The following PRKN variants were observed in gnomAD, a reference collection of about 807,000 sequenced individuals.
The protein encoded by PRKN is E3 ubiquitin-protein ligase parkin.
In PRKN, 56 loss-of-function variants were observed where a neutral mutation model predicts 59.5. That is an observed-to-expected ratio of 0.94 (90% CI 0.76 to 1.18). The LOEUF is 1.18. PRKN is among the 50% of genes most tolerant of loss of function. The probability of loss-of-function intolerance (pLI) is 0.00; values close to 1 mark genes in which losing one functional copy is unlikely to be tolerated. For synonymous variants in PRKN, 250 were observed against 222.1 expected, an observed-to-expected ratio of 1.13 and a Z score of -1.12; for missense variants, 657 against 596.4, an observed-to-expected ratio of 1.10 and a Z score of -1.06.
intron 1 of PRKN, among the ~76,000 whole-genome samples, chr6:162,584,117 G>T (rs539080332): frequency 6.6e-6 from 1 of 152,002 alleles, no homozygotes; most frequent in East Asian, 1.9e-4. Context: ...GGAGGCTGAG[G>T]CAGGAGAATG....
intron 3 of PRKN, among the ~76,000 whole-genome samples, chr6:162,237,074 T>G (rs1026594714): frequency 6.6e-6 from 1 of 152,172 alleles, no homozygotes; most frequent in African/African-American, 2.4e-5. Context: ...TAATCCTTTC[T>G]AATAACGTCT....
At chr6:162,107,654 A>G (rs756740412) in intron 4 of PRKN, among the ~76,000 whole-genome samples, 11 of 152,176 alleles carry the variant, frequency 7.2e-5, no homozygotes, top group Non-Finnish European at 1.3e-4. Flanking sequence ...TGTTACTGTT[A>G]TATCACTAGG....
intron 1 of PRKN, among the ~76,000 whole-genome samples, chr6:162,639,583 C>A (rs527280879): frequency 6.6e-6 from 1 of 152,260 alleles, no homozygotes; most frequent in East Asian, 1.9e-4. Context: ...AGACAAAAAT[C>A]TGTACATTCA....
At chr6:161,508,887 G>A (rs935291099) in intron 9 of PRKN, among the ~76,000 whole-genome samples, 5 of 150,366 alleles carry the variant, frequency 3.3e-5, no homozygotes, top group African/African-American at 4.9e-5. Context: ...TCTTGTTGCC[G>A]AGACTGGAGT....
intron 6 of PRKN, among the ~76,000 whole-genome samples, chr6:161,869,105 G>A (rs919490242): frequency 5.3e-5 from 8 of 152,296 alleles, no homozygotes; most frequent in African/African-American, 7.2e-5. Context: ...ATAGCTGGGC[G>A]CGATGGCTTA....
intron 1 of PRKN, among the ~76,000 whole-genome samples, chr6:162,701,141 G>C (rs1778137173): frequency 6.6e-6 from 1 of 152,074 alleles, no homozygotes; most frequent in Admixed American, 6.6e-5. Flanking sequence ...AGATATACCA[G>C]TCAAAGTCAA....
rs796933052 is a variant in PRKN, at chr6:161,449,731, C to T, written c.1084-62854G>A. Among the ~76,000 whole-genome samples the T allele has an allele frequency of 8.5e-5, 13 of 152,196 alleles. 1 individual carries two copies. The highest frequency in any genetic ancestry group is 2.6e-4 in the African/African-American group (11 of 41,532). ...GATGGTGGGTGTTGGACTGAGTCAGCGACAGTGAGGCACTGACTAGACTTC... is the reference window on the plus strand; with the variant it reads ...GATGGTGGGTGTTGGACTGAGTCAGTGACAGTGAGGCACTGACTAGACTTC... On this transcript the variant is annotated intron_variant, in intron 9 of 11. Transcript: ENST00000366898.
chr6:162,516,774 A>AAAG (rs1777880847), intron 1 of PRKN, among the ~76,000 whole-genome samples: 1 of 151,896 alleles, frequency 6.6e-6, no homozygotes, highest in South Asian at 2.1e-4. Flanking sequence ...AAAAAAAAAA[A>AAAG]AAAGAAAGAA....
intron 5 of PRKN, among the ~76,000 whole-genome samples, chr6:161,982,355 A>G (rs1408914325): frequency 7.8e-6 from 1 of 128,940 alleles, no homozygotes; most frequent in African/African-American, 3.1e-5. Flanking sequence ...ATTCAATGCC[A>G]TCCCCATCAA....
At chr6:161,853,213 T>C (rs1383936956) in intron 6 of PRKN, among the ~76,000 whole-genome samples, 1 of 152,212 alleles carries the variant, frequency 6.6e-6, no homozygotes, top group Non-Finnish European at 1.5e-5. Context: ...TGTGATCTTT[T>C]ACTGAAAACT....
At chr6:161,469,585 A>AGAGAGAGAG (rs1790674408) in intron 9 of PRKN, among the ~76,000 whole-genome samples, 3 of 150,852 alleles carry the variant, frequency 2.0e-5, no homozygotes, top group Non-Finnish European at 4.4e-5. Context: ...GAGAGAGAGA[A>AGAGAGAGAG]AGAGAAAGAG....
At chr6:162,013,626 CAG>C (rs756498698) in intron 5 of PRKN, among the ~76,000 whole-genome samples, 42 of 152,290 alleles carry the variant, frequency 2.8e-4, no homozygotes, top group Non-Finnish European at 5.1e-4. Context: ...TCAAGCATCA[CAG>C]TGTTTATTCG....
intron 7 of PRKN, among the ~76,000 whole-genome samples, chr6:161,743,386 T>TTTAATTTA (rs1562648806): frequency 1.4e-5 from 2 of 140,246 alleles, no homozygotes; most frequent in South Asian, 2.3e-4. Context: ...CATCCAGCTT[T>TTTAATTTA]TTTATTTATT....
chr6:162,131,965 C>T (rs1460040626), intron 4 of PRKN, among the ~76,000 whole-genome samples: 4 of 152,152 alleles, frequency 2.6e-5, no homozygotes, highest in Non-Finnish European at 4.4e-5. Flanking sequence ...GACTTGCACA[C>T]CAACACCGCC....
chr6:162,542,560 G>A (rs973448568), intron 1 of PRKN, among the ~76,000 whole-genome samples: 3 of 152,166 alleles, frequency 2.0e-5, no homozygotes. Flanking sequence ...CGTGATGCAT[G>A]AGGAACACTA....
At chr6:161,929,673 G>A (rs932241457) in intron 6 of PRKN, among the ~76,000 whole-genome samples, 1 of 151,660 alleles carries the variant, frequency 6.6e-6, no homozygotes, top group Non-Finnish European at 1.5e-5. Flanking sequence ...ACAGGCACAC[G>A]CCACCACACC....
rs1491501294 is a variant in PRKN, at chr6:162,235,963, AAG to A, written c.412+26560_412+26561del. Among the ~76,000 whole-genome samples the A allele has an allele frequency of 1.5e-3, 92 of 61,578 alleles. 2 individuals are homozygous for A. Among genetic ancestry groups the A allele is most frequent in the East Asian group, 0.011 (8 of 744 alleles). 40.4% of individuals were successfully genotyped at this position (61,578 alleles called of 152,430 possible). A position where few individuals can be genotyped will look rare whatever the true frequency, so the allele number is the denominator to read the frequency against. ...GAAGGAAGGAAGGAAGAAAGGAAGA[AAG>A]AAAGAAAGAAAGAAAGAAAGAAAGA... On this transcript the variant is annotated intron_variant, in intron 3 of 11. Transcript: ENST00000366898.
At chr6:162,380,538 T>C (rs1179987811) in intron 2 of PRKN, among the ~76,000 whole-genome samples, 1 of 144,832 alleles carries the variant, frequency 6.9e-6, no homozygotes, top group African/African-American at 2.5e-5. Flanking sequence ...TATATACATA[T>C]ATATATGTAT....
intron 6 of PRKN, among the ~76,000 whole-genome samples, chr6:161,899,060 G>A (rs1232686931): frequency 1.3e-5 from 2 of 152,232 alleles, no homozygotes; most frequent in African/African-American, 4.8e-5. Flanking sequence ...CTGCACAGCA[G>A]CCCTTGGCTG....
Sources: allele counts gnomAD v4.1 joint callset (sites outside exome capture counted in the v4.1 genomes callset), GRCh38; gene constraint gnomAD v4.1.1; transcripts MANE v1.5; gene names NCBI Gene and HGNC (gene_info 2026-07-23, HGNC 2026-07-21).